CBFB: variants seen among roughly 807,000 people sequenced by gnomAD.
CBFB encodes core-binding factor subunit beta, also known as CBF-beta.
CBFB carries 9 observed loss-of-function variants against 30.4 expected under a neutral mutation model. That is an observed-to-expected ratio of 0.30 (90% CI 0.18 to 0.52). The LOEUF (loss-of-function observed/expected upper bound fraction) is 0.52, where lower values mean the gene tolerates loss of function less well. Among genes scored for constraint, CBFB ranks in the 20% least tolerant of loss-of-function variants. The pLI, the probability that CBFB is intolerant of heterozygous loss-of-function variation, is 0.97. For missense variants in CBFB, 170 were observed against 244.0 expected (o/e 0.70, Z 2.02); for synonymous variants, 94 against 84.0 (o/e 1.12, Z -0.65).
chr16:67,079,828 G>T (rs577031933), intron 4 of CBFB, among the ~76,000 whole-genome samples: 1 of 152,084 alleles, frequency 6.6e-6, no homozygotes, highest in African/African-American at 2.4e-5. Context: ...GGATCTTTTC[G>T]TTTCTTCAAG....
At chr16:67,097,788 A>G (rs1030469770) in intron 5 of CBFB, among the ~76,000 whole-genome samples, 8 of 152,138 alleles carry the variant, frequency 5.3e-5, no homozygotes, top group Non-Finnish European at 7.3e-5. Flanking sequence ...GCCAGGTCCT[A>G]TGGCATGTGC....
rs755319996 is a variant in CBFB at position 67,029,829 on chromosome 16, C to T, written c.165+16C>T. 30 of 1,566,092 alleles carry T rather than the reference C, an allele frequency of 1.9e-5. No homozygotes were observed. The South Asian group carries it at 3.1e-4, about 16-fold the overall frequency. ...CTCGGAAATCGTAAGTCGGCTGGCC[C>T]GGGGCGCGCGCGGGTCACTTGTTGC... On this transcript the variant is annotated intron_variant, in intron 2 of 5. Coordinates refer to ENST00000412916, the MANE Select transcript of CBFB (RefSeq NM_022845.3).
At chr16:67,092,960 G>A (rs1053691401) in intron 5 of CBFB, among the ~76,000 whole-genome samples, 2 of 152,106 alleles carry the variant, frequency 1.3e-5, no homozygotes, top group African/African-American at 2.4e-5. Flanking sequence ...TGATCTGCCC[G>A]CCTTGGCCTT....
chr16:67,046,284 G>A (rs1381747123), intron 3 of CBFB, among the ~76,000 whole-genome samples: 1 of 151,852 alleles, frequency 6.6e-6, no homozygotes, highest in Non-Finnish European at 1.5e-5. Flanking sequence ...TTTTTTTGTA[G>A]ATATGGGGGT....
intron 5 of CBFB, 86 bp downstream of exon 5, chr16:67,082,394 C>G: frequency 6.8e-7 from 1 of 1,478,374 alleles, no homozygotes; most frequent in Middle Eastern, 1.8e-4. Context: ...GTGCATAATG[C>G]TTTTTAATAG....
rs1961579443 is a variant in CBFB at position 67,082,194 on chromosome 16, A to C, written c.400-19A>C. The C allele has an allele frequency of 1.3e-6, 2 of 1,492,448 alleles. No individual in the cohort carries two copies. Among genetic ancestry groups the C allele is most frequent in the Non-Finnish European group, 1.8e-6 (2 of 1,109,150 alleles). The allele number at this position is 1,492,448 out of a possible 1,614,324, so 92.5% of individuals were successfully genotyped here. A position where few individuals can be genotyped will look rare whatever the true frequency, so the allele number is the denominator to read the frequency against. ...TTTATAAATCAAAATTAAAATAGGT[A>C]TTTCATGTATTCTGACAGCAGGAGG... is the stretch of plus-strand genomic sequence containing the variant. On this transcript the variant is annotated intron_variant, in intron 4 of 5. Coordinates refer to ENST00000412916, the MANE Select transcript of CBFB (RefSeq NM_022845.3).
intron 2 of CBFB, among the ~76,000 whole-genome samples, chr16:67,034,216 T>C (rs1400466018): frequency 2.6e-5 from 4 of 152,202 alleles, no homozygotes; most frequent in Non-Finnish European, 5.9e-5. Flanking sequence ...ATAAGAAGTA[T>C]GGTTACTCTG....
intron 5 of CBFB, among the ~76,000 whole-genome samples, chr16:67,086,649 T>C (rs1961740088): frequency 6.6e-6 from 1 of 152,214 alleles, no homozygotes; most frequent in Non-Finnish European, 1.5e-5. Flanking sequence ...TACATATTAA[T>C]GGTCTCTGGA....
At chr16:67,092,698 C>CTTTTTTTTTTTTTTTTTTTTTTT (rs777213321) in intron 5 of CBFB, among the ~76,000 whole-genome samples, 1 of 33,492 alleles carries the variant, frequency 3.0e-5, no homozygotes, top group African/African-American at 1.2e-4. Flanking sequence ...GTGGTGCAAT[C>CTTTTTTTTTTTTTTTTTTTTTTT]TTTTTTTTTT....
chr16:67,093,005 G>C (rs1961940840), intron 5 of CBFB, among the ~76,000 whole-genome samples: 1 of 152,094 alleles, frequency 6.6e-6, no homozygotes, highest in Non-Finnish European at 1.5e-5. Flanking sequence ...GAGCCAAGTG[G>C]TGCAGTCTTA....
Position 67,064,529 on chromosome 16 carries a change from C to A in CBFB, c.283-2153C>A, listed in dbSNP as rs182141821. Among the ~76,000 whole-genome samples, 213 of 152,150 alleles carry A rather than the reference C, an allele frequency of 1.4e-3. 1 individual carries two copies. Among genetic ancestry groups the A allele is most frequent in the African/African-American group, 5.0e-3 (209 of 41,512 alleles). ...CCTAAAATTATGTTTTTAAAAGTAA[C>A]TATTAGGTTAGTGTGGTATTAGGAG... On this transcript the variant is annotated intron_variant, in intron 3 of 5. Coordinates refer to ENST00000412916, the MANE Select transcript of CBFB (RefSeq NM_022845.3).
At chr16:67,035,038 G>C (rs1281299891) in intron 2 of CBFB, among the ~76,000 whole-genome samples, 1 of 151,800 alleles carries the variant, frequency 6.6e-6, no homozygotes, top group African/African-American at 2.4e-5. Flanking sequence ...AGTGTTGGGG[G>C]GTTTTTTGTT....
chr16:67,069,335 A>G (rs947174858), intron 4 of CBFB, among the ~76,000 whole-genome samples: 1 of 151,776 alleles, frequency 6.6e-6, no homozygotes, highest in Non-Finnish European at 1.5e-5. Flanking sequence ...GCATCACTGC[A>G]CTCCAGCCTG....
At chr16:67,096,745 C>T (rs1962056085) in intron 5 of CBFB, among the ~76,000 whole-genome samples, 2 of 151,654 alleles carry the variant, frequency 1.3e-5, no homozygotes, top group South Asian at 2.1e-4. Context: ...GAGGCCAGGG[C>T]GGGTGAATCA....
intron 3 of CBFB, among the ~76,000 whole-genome samples, chr16:67,059,805 A>G (rs527910837): frequency 3.3e-5 from 5 of 152,028 alleles, no homozygotes; most frequent in South Asian, 4.2e-4. Flanking sequence ...TTTAAATACC[A>G]TGGTATTGTT....
intron 5 of CBFB, among the ~76,000 whole-genome samples, chr16:67,095,381 G>A (rs931205191): frequency 7.9e-5 from 12 of 152,064 alleles, no homozygotes; most frequent in Admixed American, 7.2e-4. Flanking sequence ...GCCAGGTGTG[G>A]TGCTGCGTGC....
chr16:67,066,561 A>G lies in CBFB; in HGVS notation c.283-121A>G, dbSNP rs967846564. 15 of 528,708 alleles carry G rather than the reference A, an allele frequency of 2.8e-5. 1 individual carries two copies. Among genetic ancestry groups the G allele is most frequent in the South Asian group, 9.9e-5 (5 of 50,324 alleles). 32.8% of individuals were successfully genotyped at this position (528,708 alleles called of 1,614,324 possible). ...GGGAGCACAGCGAAACTCCATCTCA[A>G]TCAATCAGTCAATCATAATTTTATT... On this transcript the variant is annotated intron_variant, in intron 3 of 5. Transcript: ENST00000412916.
At position 67,036,727 on chromosome 16, in the gene CBFB, A is replaced by G; in HGVS notation, c.254A>G (p.Tyr85Cys). 1.9e-6 allele frequency: 3 copies of G among 1,601,154 alleles called. No homozygotes were observed. The highest frequency in any genetic ancestry group is 2.6e-6 in the Non-Finnish European group (3 of 1,168,248). Residue 85 changes from tyrosine (Y) to cysteine (C), a missense_variant, in exon 3 of 6, where the codon TAT becomes TGT. Physicochemically the swap from Tyr to Cys is radical, Grantham distance 194. Coordinates refer to ENST00000412916, the MANE Select transcript of CBFB (RefSeq NM_022845.3). ...CAGCGACAAACACCTAGCCGAGAGT[A>G]TGTCGACTTAGAAAGAGAAGCAGGC... ...GEQRQTPSRE[Y>C]VDLEREAGKV...
intron 3 of CBFB, among the ~76,000 whole-genome samples, chr16:67,038,575 G>A (rs2145716408): frequency 6.6e-6 from 1 of 152,136 alleles, no homozygotes; most frequent in African/African-American, 2.4e-5. Context: ...AAAATTAAAA[G>A]TGAATGTTCC....
Sources: gnomAD v4.1 joint callset for allele counts (sites outside exome capture counted in the v4.1 genomes callset) on GRCh38, gnomAD v4.1.1 for gene constraint, MANE v1.5 for transcripts, NCBI Gene and HGNC (gene_info 2026-07-23, HGNC 2026-07-21) for gene names.